The following L3MBTL4 variants were observed in gnomAD, a reference collection of about 807,000 sequenced individuals.
The protein encoded by L3MBTL4 is L3MBTL histone methyl-lysine binding protein 4, also known as lethal(3)malignant brain tumor-like protein 4.
L3MBTL4 carries 70 observed loss-of-function variants against 84.5 expected under a neutral mutation model. The observed-to-expected ratio is 0.83, with a 90% confidence interval of 0.68 to 1.01. The LOEUF is 1.01. Among genes scored for constraint, L3MBTL4 ranks in the 50% least tolerant of loss-of-function variants. The pLI is 0.00. For missense variants in L3MBTL4, 715 were observed against 754.8 expected (o/e 0.95, Z 0.62); for synonymous variants, 274 against 259.8 (o/e 1.05, Z -0.52).
At chr18:6,045,910 C>T (rs2056599101) in intron 16 of L3MBTL4, among the ~76,000 whole-genome samples, 1 of 152,108 alleles carries the variant, frequency 6.6e-6, no homozygotes, top group African/African-American at 2.4e-5. Flanking sequence ...TGCAAATAGT[C>T]TAAAACTCTC....
At chr18:6,363,280 G>T (rs932977770) in intron 1 of L3MBTL4, among the ~76,000 whole-genome samples, 1 of 152,072 alleles carries the variant, frequency 6.6e-6, no homozygotes, top group Non-Finnish European at 1.5e-5. Flanking sequence ...GGTATGAACC[G>T]TCCAGGGGCA....
intron 13 of L3MBTL4, among the ~76,000 whole-genome samples, chr18:6,151,292 A>G (rs1364840607): frequency 6.6e-6 from 1 of 152,190 alleles, no homozygotes; most frequent in African/African-American, 2.4e-5. Context: ...ATATTATGGT[A>G]TTTGGGACAA....
At position 5,955,162 on chromosome 18, in the gene L3MBTL4, T is replaced by A. The variant is rs1422556346; in HGVS notation, c.*1058A>T. The A allele has an allele frequency of 3.3e-5, 5 of 152,176 alleles. No individual in the cohort carries two copies. The South Asian group carries it at 1.0e-3, about 32-fold the overall frequency. 9.4% of individuals were successfully genotyped at this position (152,176 alleles called of 1,614,324 possible). A position where few individuals can be genotyped will look rare whatever the true frequency, so the allele number is the denominator to read the frequency against. On this transcript the variant is annotated 3_prime_UTR_variant, in exon 19 of 19. Coordinates refer to ENST00000317931, the MANE Select transcript of L3MBTL4 (RefSeq NM_001330559.2). The stretch of plus-strand genomic sequence containing the variant: ...TGTCTTTCAACACTGTGGGACTGAT[T>A]CCACACAACTTAAGCCTCCGATACA...
chr18:6,009,126 G>A (rs2054619899), intron 16 of L3MBTL4, among the ~76,000 whole-genome samples: 1 of 152,220 alleles, frequency 6.6e-6, no homozygotes, highest in Non-Finnish European at 1.5e-5. Context: ...GGCAAGAAAG[G>A]TGAGCATCTG....
chr18:6,093,221 C>A (rs966433394), intron 15 of L3MBTL4, 134 bp downstream of exon 15: 6 of 685,426 alleles, frequency 8.8e-6, no homozygotes, highest in Non-Finnish European at 6.8e-6. Flanking sequence ...ATCAGCCCAG[C>A]GAACCTAATA....
At chr18:6,325,764 C>T (rs1237856196) in intron 1 of L3MBTL4, among the ~76,000 whole-genome samples, 1 of 152,036 alleles carries the variant, frequency 6.6e-6, no homozygotes, top group Non-Finnish European at 1.5e-5. Flanking sequence ...TGTATGTTGC[C>T]TTGTATAAAT....
At chr18:6,249,943 G>A (rs532222547) in intron 5 of L3MBTL4, among the ~76,000 whole-genome samples, 27 of 152,216 alleles carry the variant, frequency 1.8e-4, no homozygotes, top group Admixed American at 1.7e-3. Flanking sequence ...TACAACTAAG[G>A]GCCTGTGTCT....
chr18:5,980,947 C>T (rs566906093), intron 16 of L3MBTL4, among the ~76,000 whole-genome samples: 23 of 152,304 alleles, frequency 1.5e-4, no homozygotes, highest in African/African-American at 3.1e-4. Context: ...GCTAGTGAGG[C>T]GGAGGATGGC....
At chr18:6,095,046 A>G (rs566098380) in intron 14 of L3MBTL4, among the ~76,000 whole-genome samples, 34 of 152,382 alleles carry the variant, frequency 2.2e-4, no homozygotes, top group African/African-American at 7.9e-4. Context: ...ATATAAATTC[A>G]GTGAAGACGT....
chr18:6,203,587 C>A (rs985826188), intron 12 of L3MBTL4, among the ~76,000 whole-genome samples: 1 of 152,150 alleles, frequency 6.6e-6, no homozygotes, highest in Non-Finnish European at 1.5e-5. Context: ...CAAAACCTAC[C>A]ACCCTCCTTG....
chr18:6,378,491 T>C (rs2054463905), intron 1 of L3MBTL4, among the ~76,000 whole-genome samples: 1 of 152,224 alleles, frequency 6.6e-6, no homozygotes, highest in Admixed American at 6.5e-5. Context: ...GAGTTAATTT[T>C]TGTATAAGGT....
chr18:6,093,651 G>A, intron 14 of L3MBTL4, 123 bp from the exon 15 acceptor site: 1 of 730,508 alleles, frequency 1.4e-6, no homozygotes, highest in Non-Finnish European at 2.0e-6. Flanking sequence ...TTCTTTCCCT[G>A]AGCACACTCA....
intron 16 of L3MBTL4, among the ~76,000 whole-genome samples, chr18:6,008,584 A>C (rs4798426): frequency 0.54 from 81,964 of 151,828 alleles, 24,166 homozygotes; most frequent in Non-Finnish European, 0.69. Context: ...CTTTTCTTAC[A>C]AGGGCATAAT....
At chr18:6,377,776 T>A (rs2054430759) in intron 1 of L3MBTL4, among the ~76,000 whole-genome samples, 1 of 152,230 alleles carries the variant, frequency 6.6e-6, no homozygotes, top group Non-Finnish European at 1.5e-5. Context: ...AGCGCCACAA[T>A]AAACATACAT....
chr18:5,959,530 C>A (rs1479788574), intron 18 of L3MBTL4, among the ~76,000 whole-genome samples: 1 of 152,124 alleles, frequency 6.6e-6, no homozygotes, highest in African/African-American at 2.4e-5. Flanking sequence ...ACATTCCCAA[C>A]CAAGAGGGGA....
At chr18:6,136,650 T>C (rs1252586747) in intron 14 of L3MBTL4, among the ~76,000 whole-genome samples, 1 of 152,130 alleles carries the variant, frequency 6.6e-6, no homozygotes, top group African/African-American at 2.4e-5. Flanking sequence ...ACATAGAGTG[T>C]ACCAAGTAAC....
intron 5 of L3MBTL4, among the ~76,000 whole-genome samples, chr18:6,250,371 T>A (rs1311031694): frequency 6.6e-6 from 1 of 152,080 alleles, no homozygotes; most frequent in Non-Finnish European, 1.5e-5. Context: ...AAGCAATAAT[T>A]ATTATATGTG....
chr18:6,342,561 G>A (rs1295304024), intron 1 of L3MBTL4, among the ~76,000 whole-genome samples: 1 of 151,854 alleles, frequency 6.6e-6, no homozygotes, highest in African/African-American at 2.4e-5. Context: ...TAACCACAAA[G>A]AAAGCCGATG....
chr18:6,232,792 A>C (rs2047050692), intron 10 of L3MBTL4, among the ~76,000 whole-genome samples: 1 of 152,158 alleles, frequency 6.6e-6, no homozygotes, highest in Admixed American at 6.5e-5. Context: ...GAAAATATTT[A>C]TGAAATACTT....
Sources: allele counts gnomAD v4.1 joint callset (sites outside exome capture counted in the v4.1 genomes callset), GRCh38; gene constraint gnomAD v4.1.1; transcripts MANE v1.5; gene names NCBI Gene and HGNC (gene_info 2026-07-23, HGNC 2026-07-21).